The following LRP1B variants were observed in gnomAD, a reference collection of about 807,000 sequenced individuals.
LRP1B encodes the protein low-density lipoprotein receptor-related protein 1B.
Under a neutral mutation model 556.6 loss-of-function variants are expected in LRP1B, and 217 were observed. That is an observed-to-expected ratio of 0.39 (90% CI 0.35 to 0.44). The LOEUF (loss-of-function observed/expected upper bound fraction) is 0.44, where lower values mean the gene tolerates loss of function less well. Among genes scored for constraint, LRP1B ranks in the 20% least tolerant of loss-of-function variants. The probability of loss-of-function intolerance (pLI) is 1.00; values close to 1 mark genes in which losing one functional copy is unlikely to be tolerated. For synonymous variants in LRP1B, 2,047 were observed against 1,865.8 expected (o/e 1.10, Z -2.50); for missense variants, 5,053 against 5,620.8 (o/e 0.90, Z 3.23).
At chr2:142,055,189 A>T (rs892843533) in intron 1 of LRP1B, among the ~76,000 whole-genome samples, 1 of 152,160 alleles carries the variant, frequency 6.6e-6, no homozygotes, top group Non-Finnish European at 1.5e-5. Context: ...AGACATATTC[A>T]TAAATAGCTA....
At chr2:140,858,612 A>G (rs752816101) in intron 27 of LRP1B, among the ~76,000 whole-genome samples, 45 of 151,914 alleles carry the variant, frequency 3.0e-4, no homozygotes, top group Non-Finnish European at 4.9e-4. Flanking sequence ...GTACATGTGT[A>G]GGATGTGCAG....
chr2:141,842,170 C>T (rs1697498775), intron 1 of LRP1B, among the ~76,000 whole-genome samples: 1 of 152,008 alleles, frequency 6.6e-6, no homozygotes, highest in Non-Finnish European at 1.5e-5. Flanking sequence ...AAATTTCTGA[C>T]TTTGGTTTTT....
chr2:141,880,242 ATTG>A (rs1175611684), intron 1 of LRP1B, among the ~76,000 whole-genome samples: 1 of 151,916 alleles, frequency 6.6e-6, no homozygotes, highest in African/African-American at 2.4e-5. Flanking sequence ...TGTCTTAGTC[ATTG>A]TTGTACTGTT....
chr2:140,356,069 T>C (rs556574276), intron 75 of LRP1B, among the ~76,000 whole-genome samples: 45 of 152,014 alleles, frequency 3.0e-4, no homozygotes, highest in African/African-American at 1.0e-3. Flanking sequence ...TTTCGTTATT[T>C]GCATTTCAAA....
intron 67 of LRP1B, among the ~76,000 whole-genome samples, chr2:140,380,501 A>G (rs760058601): frequency 3.3e-5 from 5 of 152,208 alleles, no homozygotes; most frequent in South Asian, 4.1e-4. Context: ...GAGGAAAGAA[A>G]TTATAGTGAA....
chr2:141,144,794 A>T (rs1327933472), intron 7 of LRP1B, among the ~76,000 whole-genome samples: 3 of 152,228 alleles, frequency 2.0e-5, no homozygotes, highest in Admixed American at 2.0e-4. Context: ...ATTGATGGGC[A>T]TACTACTGTT....
chr2:141,052,157 G>A (rs1699053504), intron 10 of LRP1B, among the ~76,000 whole-genome samples: 1 of 151,896 alleles, frequency 6.6e-6, no homozygotes, highest in Non-Finnish European at 1.5e-5. Flanking sequence ...CGAAATTACA[G>A]AATAAAGTAC....
Position 141,751,482 on chromosome 2 carries a change from G to A in LRP1B, c.205+58797C>T, listed in dbSNP as rs577675666. 4.6e-5 allele frequency among the ~76,000 whole-genome samples: 7 copies of A among 152,160 alleles called. No individual in the cohort carries two copies. In the East Asian group the frequency reaches 1.4e-3, roughly 29 times the overall value. On this transcript the variant is annotated intron_variant, in intron 2 of 90. Coordinates refer to ENST00000389484, the MANE Select transcript of LRP1B (RefSeq NM_018557.3). ...ATAAAAAATTTACCAACTTCAGGAA[G>A]GCATATAGAATATCTCCAAGGCCTG...
chr2:142,101,722 TC>T (rs1706575230), intron 1 of LRP1B, among the ~76,000 whole-genome samples: 1 of 152,006 alleles, frequency 6.6e-6, no homozygotes, highest in Non-Finnish European at 1.5e-5. Flanking sequence ...AAATGACAAG[TC>T]TAATCACTCA....
At chr2:141,991,325 T>A (rs1702337667) in intron 1 of LRP1B, among the ~76,000 whole-genome samples, 7 of 152,072 alleles carry the variant, frequency 4.6e-5, no homozygotes, top group African/African-American at 1.7e-4. Context: ...TCATTCACAC[T>A]TATGTCCAGC....
At chr2:140,414,462 C>A (rs1174796472) in intron 66 of LRP1B, among the ~76,000 whole-genome samples, 4 of 152,086 alleles carry the variant, frequency 2.6e-5, no homozygotes, top group Non-Finnish European at 4.4e-5. Flanking sequence ...TGTAAGTCAA[C>A]TGCATGTAAT....
At position 142,035,591 on chromosome 2, in the gene LRP1B, G is replaced by A. The variant is rs1225458146; in HGVS notation, c.82+95057C>T. ...TTCTTATATAGTCAGAATAAGCACCGCTGCTTATGAGTTTTGTTTCCGTCC... is the reference window on the plus strand; with the variant it reads ...TTCTTATATAGTCAGAATAAGCACCACTGCTTATGAGTTTTGTTTCCGTCC... On this transcript the variant is annotated intron_variant, in intron 1 of 90. Transcript: ENST00000389484. 2.0e-5 allele frequency among the ~76,000 whole-genome samples: 3 copies of A among 151,508 alleles called. No homozygotes were observed. In the East Asian group the frequency reaches 5.8e-4, roughly 29 times the overall value.
intron 18 of LRP1B, among the ~76,000 whole-genome samples, chr2:140,969,664 G>A (rs563769075): frequency 7.9e-5 from 12 of 152,136 alleles, no homozygotes; most frequent in Non-Finnish European, 8.8e-5. Flanking sequence ...GTCTGGTACC[G>A]GTGATTCTGT....
intron 7 of LRP1B, among the ~76,000 whole-genome samples, chr2:141,126,882 T>C (rs751391919): frequency 1.3e-5 from 2 of 152,184 alleles, no homozygotes; most frequent in African/African-American, 2.4e-5. Flanking sequence ...TTTTAAATTA[T>C]ACTTTAAGTT....
intron 41 of LRP1B, among the ~76,000 whole-genome samples, chr2:140,603,900 C>G (rs1008079211): frequency 5.3e-5 from 8 of 151,844 alleles, no homozygotes; most frequent in African/African-American, 1.9e-4. Flanking sequence ...TGAGATAAGA[C>G]ATATTTCTCA....
intron 6 of LRP1B, among the ~76,000 whole-genome samples, chr2:141,189,166 T>A (rs1681388149): frequency 6.6e-6 from 1 of 152,056 alleles, no homozygotes; most frequent in East Asian, 1.9e-4. Context: ...GCTCAAGGAC[T>A]GATTAATTAA....
chr2:141,801,168 A>C (rs577223355), intron 2 of LRP1B, among the ~76,000 whole-genome samples: 66 of 152,274 alleles, frequency 4.3e-4, no homozygotes, highest in African/African-American at 1.5e-3. Context: ...AACCTAATAT[A>C]GTATATTAAT....
chr2:141,797,146 CATATAT>C (rs6146945), intron 2 of LRP1B, among the ~76,000 whole-genome samples: 2,775 of 78,986 alleles, frequency 0.035, 50 homozygotes, highest in African/African-American at 0.046. Flanking sequence ...TGAAAATAAT[CATATAT>C]ATATATATAT....
Position 140,593,459 on chromosome 2 carries a change from G to GA in LRP1B, c.7194+5171dup, listed in dbSNP as rs758664148. ...CAGAGATGATGATAGATACAAAACA[G>GA]AAAAAATTAAAAAGAAACATTACAG... On this transcript the variant is annotated intron_variant, in intron 43 of 90. Transcript: ENST00000389484. Among the ~76,000 whole-genome samples the GA allele has an allele frequency of 7.2e-5, 11 of 152,182 alleles. No homozygotes were observed. In the East Asian group the frequency reaches 1.7e-3, roughly 24 times the overall value.
Sources: gnomAD v4.1 joint callset for allele counts (sites outside exome capture counted in the v4.1 genomes callset) on GRCh38, gnomAD v4.1.1 for gene constraint, MANE v1.5 for transcripts, NCBI Gene and HGNC (gene_info 2026-07-23, HGNC 2026-07-21) for gene names.